The following GALNTL6 variants were observed in gnomAD, a reference collection of about 807,000 sequenced individuals.
GALNTL6 encodes polypeptide N-acetylgalactosaminyltransferase-like 6.
A neutral mutation model predicts 73.7 loss-of-function variants in GALNTL6; 46 were observed. The ratio of observed to expected loss-of-function variants is 0.62; its 90% CI spans 0.49 to 0.80. The LOEUF (loss-of-function observed/expected upper bound fraction) is 0.80. Ranked by LOEUF, GALNTL6 falls within the 30% of genes least tolerant of loss-of-function variation. GALNTL6 has a pLI of 0.00. For synonymous variants in GALNTL6, 259 were observed against 263.7 expected, an observed-to-expected ratio of 0.98 and a Z score of 0.17; for missense variants, 604 against 755.0, an observed-to-expected ratio of 0.80 and a Z score of 2.34.
chr4:172,466,816 T>C (rs1053918459), intron 5 of GALNTL6, among the ~76,000 whole-genome samples: 3 of 152,254 alleles, frequency 2.0e-5, no homozygotes, highest in African/African-American at 7.2e-5. Context: ...TAGTGTCTTA[T>C]ACTGCAAATT....
chr4:172,078,700 T>C (rs182634482), intron 2 of GALNTL6, among the ~76,000 whole-genome samples: 1 of 152,300 alleles, frequency 6.6e-6, no homozygotes, highest in East Asian at 1.9e-4. Context: ...CTTGGAATAG[T>C]AAACTAATAT....
chr4:172,119,528 C>A (rs1041089356), intron 2 of GALNTL6, among the ~76,000 whole-genome samples: 1 of 152,134 alleles, frequency 6.6e-6, no homozygotes, highest in Admixed American at 6.6e-5. Flanking sequence ...CACGTTATAA[C>A]ATTCTGAAAA....
intron 5 of GALNTL6, among the ~76,000 whole-genome samples, chr4:172,519,832 A>G (rs1161058347): frequency 6.6e-6 from 1 of 151,748 alleles, no homozygotes; most frequent in Non-Finnish European, 1.5e-5. Flanking sequence ...AAACAAACTA[A>G]TAAATCTAAT....
At chr4:172,365,774 A>C (rs1742537188) in intron 5 of GALNTL6, among the ~76,000 whole-genome samples, 2 of 152,154 alleles carry the variant, frequency 1.3e-5, no homozygotes, top group Admixed American at 6.5e-5. Context: ...GTAAGGACAA[A>C]AGGTCCTAGA....
chr4:171,982,636 G>A (rs1181409567), intron 2 of GALNTL6, among the ~76,000 whole-genome samples: 1 of 152,098 alleles, frequency 6.6e-6, no homozygotes, highest in Non-Finnish European at 1.5e-5. Flanking sequence ...CGAGCTTGTT[G>A]GAGGTCCTCC....
chr4:172,135,015 T>A (rs1247889320), intron 2 of GALNTL6, among the ~76,000 whole-genome samples: 2 of 152,174 alleles, frequency 1.3e-5, no homozygotes, highest in South Asian at 4.1e-4. Flanking sequence ...CCTACTTTTT[T>A]ACTAAACAGT....
intron 5 of GALNTL6, among the ~76,000 whole-genome samples, chr4:172,453,882 A>G (rs1177778681): frequency 6.6e-6 from 1 of 152,236 alleles, no homozygotes; most frequent in Non-Finnish European, 1.5e-5. Context: ...CATGACATAG[A>G]CTGTTAGTTC....
intron 9 of GALNTL6, among the ~76,000 whole-genome samples, chr4:172,948,603 C>G (rs1418133655): frequency 6.7e-6 from 1 of 150,234 alleles, no homozygotes; most frequent in Non-Finnish European, 1.5e-5. Flanking sequence ...CAGGCACCTG[C>G]CACCAGCCTC....
intron 2 of GALNTL6, among the ~76,000 whole-genome samples, chr4:172,039,024 C>T (rs1176638384): frequency 6.6e-6 from 1 of 152,164 alleles, no homozygotes; most frequent in Non-Finnish European, 1.5e-5. Context: ...TAATCCTTTT[C>T]GCTTCATTTT....
intron 2 of GALNTL6, among the ~76,000 whole-genome samples, chr4:171,828,253 CTG>C (rs1271323824): frequency 2.0e-5 from 3 of 152,284 alleles, no homozygotes; most frequent in African/African-American, 4.8e-5. Context: ...GCTTAAAACA[CTG>C]TGCGATGCTA....
At chr4:172,572,734 G>A (rs1236946633) in intron 5 of GALNTL6, among the ~76,000 whole-genome samples, 1 of 151,946 alleles carries the variant, frequency 6.6e-6, no homozygotes, top group East Asian at 1.9e-4. Context: ...TTTTCCGAAT[G>A]TTCCATCTGA....
intron 2 of GALNTL6, among the ~76,000 whole-genome samples, chr4:171,899,817 T>C (rs1737028313): frequency 6.6e-6 from 1 of 152,188 alleles, no homozygotes; most frequent in South Asian, 2.1e-4. Context: ...TGCAGGTCTT[T>C]CTTAACACAA....
intron 2 of GALNTL6, among the ~76,000 whole-genome samples, chr4:171,993,777 T>C (rs1472194988): frequency 6.6e-6 from 1 of 151,468 alleles, no homozygotes; most frequent in Non-Finnish European, 1.5e-5. Context: ...CATGGAAAAC[T>C]TGGAGAAAGA....
intron 5 of GALNTL6, among the ~76,000 whole-genome samples, chr4:172,490,491 A>G (rs568144142): frequency 1.3e-5 from 2 of 152,328 alleles, no homozygotes; most frequent in African/African-American, 4.8e-5. Flanking sequence ...AACTCTTCAT[A>G]TTACATATTA....
chr4:171,881,049 T>C (rs1359084517), intron 2 of GALNTL6, among the ~76,000 whole-genome samples: 2 of 152,054 alleles, frequency 1.3e-5, no homozygotes, highest in Non-Finnish European at 2.9e-5. Flanking sequence ...TCAGATCAAA[T>C]ATCTTCATAA....
intron 5 of GALNTL6, among the ~76,000 whole-genome samples, chr4:172,503,042 G>C (rs1409276361): frequency 6.6e-6 from 1 of 152,090 alleles, no homozygotes; most frequent in Admixed American, 6.6e-5. Context: ...ATTCTCAAAA[G>C]AATGTAAAAC....
chr4:172,284,640 A>G (rs904824578), intron 3 of GALNTL6, among the ~76,000 whole-genome samples: 5 of 152,034 alleles, frequency 3.3e-5, no homozygotes, highest in Non-Finnish European at 7.4e-5. Context: ...TAAGTCTTTC[A>G]TCCATTTTGT....
intron 5 of GALNTL6, among the ~76,000 whole-genome samples, chr4:172,641,298 C>A (rs117581225): frequency 5.9e-5 from 9 of 152,026 alleles, no homozygotes; most frequent in Admixed American, 5.2e-4. Context: ...ATTCAAAATC[C>A]TTCAATGGCT....
At chr4:172,977,859 G>C (rs187277620) in intron 10 of GALNTL6, among the ~76,000 whole-genome samples, 153 of 152,242 alleles carry the variant, frequency 1.0e-3, no homozygotes, top group Non-Finnish European at 2.0e-3. Context: ...GTTTTGTTTT[G>C]TGGCACATTC....
Sources: allele counts gnomAD v4.1 joint callset (sites outside exome capture counted in the v4.1 genomes callset), GRCh38; gene constraint gnomAD v4.1.1; transcripts MANE v1.5; gene names NCBI Gene and HGNC (gene_info 2026-07-23, HGNC 2026-07-21).